CA8: variants seen among roughly 807,000 people sequenced by gnomAD.
CA8 encodes carbonic anhydrase 8 (inactive).
CA8 carries 22 observed loss-of-function variants against 41.4 expected under a neutral mutation model. That is an observed-to-expected ratio of 0.53 (90% CI 0.38 to 0.76). CA8 has a LOEUF of 0.76. CA8 is among the 30% of genes least tolerant of loss of function. The probability of loss-of-function intolerance (pLI) is 0.00; values close to 1 mark genes in which losing one functional copy is unlikely to be tolerated. For missense variants in CA8, 270 were observed against 352.8 expected, an observed-to-expected ratio of 0.77 and a Z score of 1.88; for synonymous variants, 121 against 130.6, an observed-to-expected ratio of 0.93 and a Z score of 0.50.
At chr8:60,198,841 T>C (rs1806348126) in intron 8 of CA8, among the ~76,000 whole-genome samples, 1 of 152,172 alleles carries the variant, frequency 6.6e-6, no homozygotes, top group South Asian at 2.1e-4. Flanking sequence ...CACAACTAAT[T>C]TAGATGATTA....
chr8:60,268,833 G>T (rs1040519836), intron 2 of CA8, among the ~76,000 whole-genome samples: 1 of 151,958 alleles, frequency 6.6e-6, no homozygotes, highest in Non-Finnish European at 1.5e-5. Context: ...TACTACACAG[G>T]TTTATTAACT....
intron 3 of CA8, among the ~76,000 whole-genome samples, chr8:60,242,866 T>C (rs1279435878): frequency 6.6e-6 from 1 of 152,230 alleles, no homozygotes; most frequent in Non-Finnish European, 1.5e-5. Flanking sequence ...CGCCCCACTT[T>C]AGAAAACACA....
chr8:60,263,200 A>G (rs574262659), intron 3 of CA8, among the ~76,000 whole-genome samples: 10 of 152,028 alleles, frequency 6.6e-5, no homozygotes, highest in African/African-American at 2.2e-4. Flanking sequence ...GCATGCACCT[A>G]TTATCCCAGC....
intron 4 of CA8, among the ~76,000 whole-genome samples, chr8:60,230,655 C>G (rs2130491369): frequency 6.6e-6 from 1 of 151,664 alleles, no homozygotes; most frequent in Non-Finnish European, 1.5e-5. Context: ...ATTTCACTCT[C>G]TCCTGAGAAT....
rs1048066942 is a variant in CA8 at position 60,185,682 on chromosome 8, CAGG to C, written c.*4336_*4338del. On this transcript the variant is annotated 3_prime_UTR_variant, in exon 9 of 9. Transcript: ENST00000317995. The stretch of plus-strand genomic sequence containing the variant: ...AAAAACAGAAACAGAAACTTTTCAC[CAGG>C]AGTTTTATATTTAGCAAAACTATCT... Among the ~76,000 whole-genome samples, 1 of 151,914 alleles carries C rather than the reference CAGG, an allele frequency of 6.6e-6. No individual in the cohort carries two copies. Among genetic ancestry groups the C allele is most frequent in the Non-Finnish European group, 1.5e-5 (1 of 67,976 alleles).
chr8:60,265,720 T>C (rs537566708), intron 3 of CA8: 1 of 582,116 alleles, frequency 1.7e-6, no homozygotes, highest in South Asian at 2.0e-5. Context: ...CATGTGCTCA[T>C]GCGCACACGC....
chr8:60,220,184 G>A (rs1461508791), intron 7 of CA8, among the ~76,000 whole-genome samples: 1 of 152,090 alleles, frequency 6.6e-6, no homozygotes, highest in East Asian at 1.9e-4. Flanking sequence ...AAAAGAAGGC[G>A]TTCATCATGG....
chr8:60,277,532 T>C (rs1254146989), intron 2 of CA8, among the ~76,000 whole-genome samples: 1 of 152,072 alleles, frequency 6.6e-6, no homozygotes, highest in Non-Finnish European at 1.5e-5. Context: ...TTTTGGATTT[T>C]TTAGTAGAGA....
intron 3 of CA8, among the ~76,000 whole-genome samples, chr8:60,257,362 T>C (rs879337449): frequency 2.0e-5 from 3 of 152,076 alleles, no homozygotes; most frequent in Admixed American, 6.6e-5. Context: ...ATGTTCCCCA[T>C]CTCCTCCTAA....
intron 3 of CA8, among the ~76,000 whole-genome samples, chr8:60,257,918 C>T (rs1392990650): frequency 1.3e-5 from 2 of 152,210 alleles, no homozygotes; most frequent in Non-Finnish European, 2.9e-5. Context: ...TGAGTGAGGT[C>T]TTTTCAATGT....
chr8:60,250,264 T>C (rs1422022419), intron 3 of CA8, among the ~76,000 whole-genome samples: 1 of 150,656 alleles, frequency 6.6e-6, no homozygotes, highest in African/African-American at 2.5e-5. Flanking sequence ...GAGTTACAGA[T>C]ACACTTTTCC....
At position 60,279,652 on chromosome 8, in the gene CA8, A is replaced by G. The variant is rs1804345029; in HGVS notation, c.292+37T>C. On this transcript the variant is annotated intron_variant, in intron 2 of 8. Transcript: ENST00000317995. ...GTTCAATAACTCTACGCTGACTTCT[A>G]GTTTAAAAGACCACACAAACATATT... 1.3e-6 allele frequency: 2 copies of G among 1,552,478 alleles called. 1 individual carries two copies. The highest frequency in any genetic ancestry group is 2.7e-5 in the African/African-American group (2 of 73,796).
At chr8:60,266,155 C>A in intron 2 of CA8, 106 bp from the exon 3 acceptor site, 1 of 1,053,912 alleles carries the variant, frequency 9.5e-7, no homozygotes, top group Non-Finnish European at 1.4e-6. Context: ...ATGGGCTCTA[C>A]AGATTAAATT....
intron 3 of CA8, among the ~76,000 whole-genome samples, chr8:60,238,450 GTCT>G (rs1032440042): frequency 1.2e-4 from 19 of 152,118 alleles, no homozygotes; most frequent in Non-Finnish European, 1.5e-5. Flanking sequence ...CCTTTCAGAT[GTCT>G]TCTTGACACC....
intron 8 of CA8, among the ~76,000 whole-genome samples, chr8:60,190,432 AATATATATATATATATATATATATATAT>A (rs57878452): frequency 9.1e-5 from 9 of 99,342 alleles, no homozygotes; most frequent in Admixed American, 8.5e-4. Context: ...ATAAATGCAG[AATATATATATATATATATATATATATAT>A]ATATATATAT....
intron 8 of CA8, among the ~76,000 whole-genome samples, chr8:60,200,844 G>A (rs1041583424): frequency 2.6e-5 from 4 of 152,138 alleles, no homozygotes; most frequent in Non-Finnish European, 5.9e-5. Flanking sequence ...GAGCTGGCAT[G>A]CAAGTTTGAG....
chr8:60,271,637 T>C (rs1804077397), intron 2 of CA8, among the ~76,000 whole-genome samples: 1 of 152,152 alleles, frequency 6.6e-6, no homozygotes, highest in Non-Finnish European at 1.5e-5. Context: ...TAAGAAACAG[T>C]GAAGGGCACA....
At position 60,265,750 on chromosome 8, in the gene CA8, G is replaced by A. The variant is rs187687348; in HGVS notation, c.417+175C>T. The A allele has an allele frequency of 6.2e-4, 416 of 672,092 alleles. 1 individual carries two copies. The highest frequency in any genetic ancestry group is 4.4e-3 in the African/African-American group (246 of 55,428). 41.6% of individuals were successfully genotyped at this position (672,092 alleles called of 1,614,324 possible). On this transcript the variant is annotated intron_variant, in intron 3 of 8. Transcript: ENST00000317995. Reference sequence around the variant, plus strand: ...ACACGCCAAGCCACGAGAGTAGACAGGAGGTTTCATGTGCTGCCCTAGGCT... The same window carrying A: ...ACACGCCAAGCCACGAGAGTAGACAAGAGGTTTCATGTGCTGCCCTAGGCT...
intron 8 of CA8, among the ~76,000 whole-genome samples, chr8:60,201,641 C>T (rs1315349822): frequency 6.6e-6 from 1 of 152,078 alleles, no homozygotes; most frequent in Non-Finnish European, 1.5e-5. Flanking sequence ...CACTATATAA[C>T]AATAAAATAT....
Sources: allele counts gnomAD v4.1 joint callset (sites outside exome capture counted in the v4.1 genomes callset), GRCh38; gene constraint gnomAD v4.1.1; transcripts MANE v1.5; gene names NCBI Gene and HGNC (gene_info 2026-07-23, HGNC 2026-07-21).